The following NUAK1 variants were observed in gnomAD, a reference collection of about 807,000 sequenced individuals.
The protein encoded by NUAK1 is NUAK family SNF1-like kinase 1.
In NUAK1, 26 loss-of-function variants were observed where a neutral mutation model predicts 56.9. The ratio of observed to expected loss-of-function variants is 0.46; its 90% CI spans 0.33 to 0.63. The LOEUF (loss-of-function observed/expected upper bound fraction) is 0.63. Ranked by LOEUF, NUAK1 falls within the 30% of genes least tolerant of loss-of-function variation. The pLI is 0.02. For missense variants in NUAK1, 727 were observed against 876.1 expected (o/e 0.83, Z 2.15); for synonymous variants, 337 against 336.0 (o/e 1.00, Z -0.03).
chr12:106,108,515 A>G (rs56010291), intron 1 of NUAK1, among the ~76,000 whole-genome samples: 1,561 of 152,306 alleles, frequency 0.01, 15 homozygotes, highest in Non-Finnish European at 0.016. Flanking sequence ...ACTTACGTCA[A>G]ATGTAAAGAT....
rs753985820 is a variant in NUAK1 at position 106,067,405 on chromosome 12, C to T, written c.1383G>A (p.Thr461=). Reference sequence around the variant, plus strand: ...TTTTCAAGATGCCTTTCTTGGGCATCGTGGCCGACTGCTTGGGGCTGAGTT... The same window carrying T: ...TTTTCAAGATGCCTTTCTTGGGCATTGTGGCCGACTGCTTGGGGCTGAGTT... The part of the protein sequence containing the change: ...PGKLSPKQSA[T]MPKKGILKKT... Residue 461 remains threonine, a synonymous_variant, in exon 7 of 7, where the codon ACG becomes ACA. Coordinates refer to ENST00000261402, the MANE Select transcript of NUAK1 (RefSeq NM_014840.3). This position sits in a 1 kb window ranked among gnomAD's most constrained non-coding sequence, Gnocchi z 6.0. 19 of 1,614,060 alleles carry T rather than the reference C, an allele frequency of 1.2e-5. No homozygotes were observed. The highest frequency in any genetic ancestry group is 1.3e-5 in the African/African-American group (1 of 74,906).
At chr12:106,118,591 T>G (rs1378876639) in intron 1 of NUAK1, among the ~76,000 whole-genome samples, 1 of 152,222 alleles carries the variant, frequency 6.6e-6, no homozygotes, top group East Asian at 1.9e-4. Flanking sequence ...AGCGTTGCTT[T>G]GATGGCAATA....
chr12:106,117,882 T>C (rs1302971599), intron 1 of NUAK1, among the ~76,000 whole-genome samples: 1 of 152,202 alleles, frequency 6.6e-6, no homozygotes, highest in Non-Finnish European at 1.5e-5. Context: ...AACTGCTGTG[T>C]TCCCCTCTGT....
intron 2 of NUAK1, among the ~76,000 whole-genome samples, chr12:106,094,913 G>C (rs1274565091): frequency 6.6e-6 from 1 of 152,162 alleles, no homozygotes; most frequent in Admixed American, 6.5e-5. Flanking sequence ...GAGAAGTTGT[G>C]TGGGAGAGGG....
rs1468866803 is a variant in NUAK1 at position 106,067,040 on chromosome 12, A to G, written c.1748T>C (p.Phe583Ser). The G allele has an allele frequency of 6.2e-7, 1 of 1,614,104 alleles. No homozygotes were observed. The highest frequency in any genetic ancestry group is 8.5e-7 in the Non-Finnish European group (1 of 1,180,042). Reference protein sequence around the residue: ...SDDSVLSSDSFDLLDLQENRP... With the variant: ...SDDSVLSSDSSDLLDLQENRP... Reference sequence around the variant, plus strand: ...ATTCTCCTGCAAATCCAGCAAGTCAAAAGAGTCGCTGGACAGCACGCTGTC... The same window carrying G: ...ATTCTCCTGCAAATCCAGCAAGTCAGAAGAGTCGCTGGACAGCACGCTGTC... Residue 583 changes from phenylalanine (F) to serine (S), a missense_variant, in exon 7 of 7, where the codon TTT becomes TCT. Physicochemically the swap from Phe to Ser is radical, Grantham distance 155. Coordinates refer to ENST00000261402, the MANE Select transcript of NUAK1 (RefSeq NM_014840.3). The surrounding 1 kb of genome is among the most constrained non-coding windows in gnomAD (Gnocchi z 6.0).
intron 4 of NUAK1, among the ~76,000 whole-genome samples, chr12:106,082,078 A>C (rs561529618): frequency 6.6e-6 from 1 of 152,338 alleles, no homozygotes; most frequent in South Asian, 2.1e-4. Flanking sequence ...GTAACAGTTA[A>C]GCATGAATTG....
intron 1 of NUAK1, among the ~76,000 whole-genome samples, chr12:106,119,794 A>G (rs1015773108): frequency 2.0e-5 from 3 of 152,214 alleles, no homozygotes; most frequent in African/African-American, 4.8e-5. Flanking sequence ...GAGAACTCCA[A>G]AACACAGTAC....
At chr12:106,092,981 A>G (rs1298110038) in intron 2 of NUAK1, among the ~76,000 whole-genome samples, 1 of 152,230 alleles carries the variant, frequency 6.6e-6, no homozygotes, top group Non-Finnish European at 1.5e-5. Flanking sequence ...GCATTTTGGT[A>G]CATGTTAAAG....
chr12:106,133,885 T>C (rs969797825), intron 1 of NUAK1, among the ~76,000 whole-genome samples: 4 of 152,240 alleles, frequency 2.6e-5, no homozygotes, highest in African/African-American at 7.2e-5. Context: ...CCCTGGGTCT[T>C]ACTCATTTCT....
intron 1 of NUAK1, among the ~76,000 whole-genome samples, chr12:106,114,345 G>C (rs1218283660): frequency 1.3e-5 from 2 of 152,210 alleles, no homozygotes; most frequent in Non-Finnish European, 2.9e-5. Context: ...CAGCCAAGGC[G>C]ACTCCTATAA....
chr12:106,107,436 G>A (rs1274953382), intron 1 of NUAK1, among the ~76,000 whole-genome samples: 7 of 152,176 alleles, frequency 4.6e-5, no homozygotes, highest in African/African-American at 1.2e-4. Context: ...GAGTATCCAC[G>A]GGTAACAAAG....
Position 106,066,927 on chromosome 12 carries a change from G to A in NUAK1, c.1861C>T (p.Arg621Trp), listed in dbSNP as rs757600015. The change falls in exon 7 of 7, where the codon CGG (arginine) becomes TGG (tryptophan). Residue 621 changes from arginine (R) to tryptophan (W), a missense_variant. By Grantham distance (101) the Arg-to-Trp change is moderately radical (BLOSUM62 -3). Transcript: ENST00000261402. The stretch of plus-strand genomic sequence containing the variant: ...CGGTACCGCTTCAGGTACTGGGGCC[G>A]GGGCCGGTTCTGGAGCCCCTCAAAG... ...QDFEGLQNRP[R>W]PQYLKRYRNR... 1.1e-5 allele frequency: 18 copies of A among 1,614,134 alleles called. 1 individual carries two copies. The highest frequency in any genetic ancestry group is 1.7e-4 in the Middle Eastern group (1 of 6,060).
intron 2 of NUAK1, among the ~76,000 whole-genome samples, chr12:106,105,553 A>G (rs1013734465): frequency 6.6e-6 from 1 of 152,218 alleles, no homozygotes; most frequent in Non-Finnish European, 1.5e-5. Flanking sequence ...GAGACAACAA[A>G]TGAAAAAAGA....
chr12:106,118,967 A>C (rs374897310), intron 1 of NUAK1, among the ~76,000 whole-genome samples: 6 of 152,326 alleles, frequency 3.9e-5, no homozygotes, highest in Admixed American at 3.3e-4. Context: ...AAGCTATGTA[A>C]GGATAATAAT....
chr12:106,091,512 G>T (rs1360885204), intron 2 of NUAK1, among the ~76,000 whole-genome samples: 1 of 152,224 alleles, frequency 6.6e-6, no homozygotes, highest in East Asian at 1.9e-4. Context: ...GGGTCAGCAT[G>T]AGGAAGGGAA....
At chr12:106,137,815 A>C (rs2033143824) in intron 1 of NUAK1, among the ~76,000 whole-genome samples, 1 of 152,248 alleles carries the variant, frequency 6.6e-6, no homozygotes, top group South Asian at 2.1e-4. Flanking sequence ...AACTGTTAGA[A>C]TCCTCAGGCT....
chr12:106,084,025 T>G, intron 3 of NUAK1, 96 bp from the exon 4 acceptor site: 2 of 1,062,626 alleles, frequency 1.9e-6, no homozygotes, highest in Non-Finnish European at 1.5e-6. Flanking sequence ...GGGAAATGTC[T>G]GACAGATTAA....
intron 4 of NUAK1, among the ~76,000 whole-genome samples, chr12:106,082,348 T>C (rs1201153870): frequency 6.6e-6 from 1 of 152,216 alleles, no homozygotes; most frequent in Non-Finnish European, 1.5e-5. Flanking sequence ...CCACTGCTTT[T>C]AACTTTGACT....
At chr12:106,106,659 G>T in intron 1 of NUAK1, 134 bp from the exon 2 acceptor site, 2 of 836,248 alleles carry the variant, frequency 2.4e-6, no homozygotes, top group Non-Finnish European at 1.8e-6. Flanking sequence ...GCTTGGAAAT[G>T]CCCCCTTGTC....
Sources: gnomAD v4.1 joint callset for allele counts (sites outside exome capture counted in the v4.1 genomes callset) on GRCh38, gnomAD v4.1.1 for gene constraint, Gnocchi (gnomAD v3.1) non-coding constraint, MANE v1.5 for transcripts, NCBI Gene and HGNC (gene_info 2026-07-23, HGNC 2026-07-21) for gene names.